The following NDUFA5 variants were observed in gnomAD, a reference collection of about 807,000 sequenced individuals.
NDUFA5 encodes NADH:ubiquinone oxidoreductase subunit A5, also known as NADH dehydrogenase [ubiquinone] 1 alpha subcomplex subunit 5.
Under a neutral mutation model 19.8 loss-of-function variants are expected in NDUFA5, and 11 were observed. The ratio of observed to expected loss-of-function variants is 0.56; its 90% CI spans 0.35 to 0.92. NDUFA5 has a LOEUF of 0.92. NDUFA5 is among the 40% of genes least tolerant of loss of function. The pLI is 0.01. For missense variants in NDUFA5, 109 were observed against 134.2 expected (o/e 0.81, Z 0.93); for synonymous variants, 47 against 46.8 (o/e 1.00, Z -0.01).
At chr7:123,560,084 T>C (rs1022700611), upstream of NDUFA5, among the ~76,000 whole-genome samples, 6 of 152,056 alleles carry the variant, frequency 3.9e-5, no homozygotes, top group African/African-American at 1.2e-4. Flanking sequence ...GGACAAAAAC[T>C]ATATGATAAT....
chr7:123,573,628 T>A, the NDUFA5 span, among the ~76,000 whole-genome samples: 1 of 152,136 alleles, frequency 6.6e-6, no homozygotes, highest in Non-Finnish European at 1.5e-5. Flanking sequence ...ACATAGTTTT[T>A]CTTAGCCTCC....
chr7:123,580,304 G>A, the NDUFA5 span, among the ~76,000 whole-genome samples: 2 of 152,006 alleles, frequency 1.3e-5, no homozygotes, highest in Non-Finnish European at 2.9e-5. Flanking sequence ...CTGTTGCACT[G>A]CTTTTTACAT....
At chr7:123,565,201 G>A in the NDUFA5 span, among the ~76,000 whole-genome samples, 1 of 152,066 alleles carries the variant, frequency 6.6e-6, no homozygotes, top group African/African-American at 2.4e-5. Flanking sequence ...GCTCAAACAG[G>A]GAGAGTGAAT....
chr7:123,540,931 C>CACAA lies in NDUFA5; in HGVS notation c.*1187_*1188insTTGT, dbSNP rs1214621409. On this transcript the variant is annotated 3_prime_UTR_variant, in exon 5 of 5. Transcript: ENST00000355749. Reference sequence around the variant, plus strand: ...ACACACACACACACACACACACACACACACGTATACACAAAACCCCACAAG... The same window carrying CACAA: ...ACACACACACACACACACACACACACACAAACACGTATACACAAAACCCCACAAG... 1 of 150,930 alleles carries CACAA rather than the reference C, an allele frequency of 6.6e-6. No homozygotes were observed. The highest frequency in any genetic ancestry group is 1.5e-5 in the Non-Finnish European group (1 of 67,916). The allele number at this position is 150,930 out of a possible 1,614,324, so 9.3% of individuals were successfully genotyped here.
chr7:123,553,637 A>G (rs555987601), intron 2 of NDUFA5, among the ~76,000 whole-genome samples: 25 of 152,322 alleles, frequency 1.6e-4, no homozygotes, highest in African/African-American at 5.8e-4. Flanking sequence ...AAGAGATATT[A>G]TAATACTTAG....
chr7:123,584,971 C>T, the NDUFA5 span: 1 of 151,734 alleles, frequency 6.6e-6, no homozygotes, highest in Admixed American at 6.6e-5. Context: ...AGTCACAATT[C>T]CATTTTGACT....
the NDUFA5 span, among the ~76,000 whole-genome samples, chr7:123,568,667 A>T: frequency 1.6e-4 from 25 of 152,206 alleles, no homozygotes; most frequent in Non-Finnish European, 3.5e-4. Context: ...CAAGAAAGAA[A>T]ATAAGTGATG....
At chr7:123,573,595 A>G in the NDUFA5 span, among the ~76,000 whole-genome samples, 1 of 152,034 alleles carries the variant, frequency 6.6e-6, no homozygotes, top group Admixed American at 6.5e-5. Flanking sequence ...TCCAGTTTAT[A>G]AGAGCTGTGA....
At chr7:123,545,702 TAAAG>T (rs774978505) in intron 3 of NDUFA5, 26 bp from the exon 4 acceptor site, 12 of 1,496,336 alleles carry the variant, frequency 8.0e-6, no homozygotes, top group South Asian at 4.6e-5. Context: ...GAAAAAAAAT[TAAAG>T]AAGCATACTA....
chr7:123,557,329 C>T (rs746186469), intron 2 of NDUFA5, 75 bp downstream of exon 2: 3 of 1,598,214 alleles, frequency 1.9e-6, no homozygotes, highest in East Asian at 4.6e-5. Context: ...TCCCGTTAAC[C>T]CTGCAATAAG....
intron 3 of NDUFA5, chr7:123,546,584 T>TA (rs1798141480): frequency 1.0e-6 from 1 of 990,928 alleles, no homozygotes; most frequent in East Asian, 6.1e-5. Flanking sequence ...TATACCCACA[T>TA]ATGTAAATAA....
chr7:123,557,245 C>G (rs755485292), intron 2 of NDUFA5, 159 bp downstream of exon 2: 8 of 975,834 alleles, frequency 8.2e-6, no homozygotes, highest in Non-Finnish European at 1.3e-5. Context: ...GACATCGGAT[C>G]AACGAAGTAG....
chr7:123,542,654 C>T (rs1342509065), intron 4 of NDUFA5, among the ~76,000 whole-genome samples: 2 of 152,038 alleles, frequency 1.3e-5, no homozygotes, highest in Non-Finnish European at 2.9e-5. Context: ...TCTTTACTGG[C>T]AGTGATATAT....
At chr7:123,543,229 G>A (rs1290236956) in intron 4 of NDUFA5, among the ~76,000 whole-genome samples, 1 of 152,078 alleles carries the variant, frequency 6.6e-6, no homozygotes, top group Non-Finnish European at 1.5e-5. Context: ...GTTGCCCTGG[G>A]TCTCACGAAC....
intron 3 of NDUFA5, among the ~76,000 whole-genome samples, chr7:123,549,064 G>A (rs1798239809): frequency 6.6e-6 from 1 of 152,154 alleles, no homozygotes; most frequent in African/African-American, 2.4e-5. Context: ...ATGTGCATAG[G>A]TTATATGCAA....
chr7:123,576,821 CT>C, the NDUFA5 span, among the ~76,000 whole-genome samples: 1 of 152,158 alleles, frequency 6.6e-6, no homozygotes, highest in Non-Finnish European at 1.5e-5. Flanking sequence ...CCACTCTGTA[CT>C]TTTACTAGTC....
At chr7:123,587,303 G>A in the NDUFA5 span, among the ~76,000 whole-genome samples, 1 of 151,270 alleles carries the variant, frequency 6.6e-6, no homozygotes, top group African/African-American at 2.4e-5. Context: ...TATTTTTGTA[G>A]CTATTGTATA....
Position 123,542,025 on chromosome 7 carries a change from G to T in NDUFA5, c.*94C>A. 3 of 811,104 alleles carry T rather than the reference G, an allele frequency of 3.7e-6. No homozygotes were observed. The highest frequency in any genetic ancestry group is 2.2e-5 in the South Asian group (1 of 45,852). 50.2% of individuals were successfully genotyped at this position (811,104 alleles called of 1,614,324 possible). On this transcript the variant is annotated 3_prime_UTR_variant, in exon 5 of 5. Coordinates refer to ENST00000355749, the MANE Select transcript of NDUFA5 (RefSeq NM_005000.5). ...ACATATTTTCTATATCACTTTTCTT[G>T]ATTACAAAATGTCAGTAATAAGAAC...
intron 3 of NDUFA5, chr7:123,549,971 C>G (rs1003106147): frequency 6.5e-6 from 1 of 152,798 alleles, no homozygotes; most frequent in African/African-American, 2.4e-5. Context: ...TACATAAAGT[C>G]CATTTAATGA....
Sources: gnomAD v4.1 joint callset for allele counts (sites outside exome capture counted in the v4.1 genomes callset) on GRCh38, gnomAD v4.1.1 for gene constraint, MANE v1.5 for transcripts, NCBI Gene and HGNC (gene_info 2026-07-23, HGNC 2026-07-21) for gene names.